LHFPL3: variants seen among roughly 807,000 people sequenced by gnomAD.
LHFPL3 encodes the protein LHFPL tetraspan subfamily member 3 protein.
A neutral mutation model predicts 19.3 loss-of-function variants in LHFPL3; 5 were observed. The observed-to-expected ratio is 0.26, with a 90% CI of 0.14 to 0.54. The LOEUF (loss-of-function observed/expected upper bound fraction) is 0.54. LHFPL3 is among the 20% of genes least tolerant of loss of function. LHFPL3 has a pLI of 0.94. For synonymous variants in LHFPL3, 133 were observed against 126.2 expected (o/e 1.05, Z -0.36); for missense variants, 249 against 307.4 (o/e 0.81, Z 1.42).
At chr7:104,782,535 A>G (rs1160500342) in intron 2 of LHFPL3, among the ~76,000 whole-genome samples, 2 of 152,210 alleles carry the variant, frequency 1.3e-5, no homozygotes. Context: ...CATGGTCACC[A>G]TCTTTCTCCT....
At chr7:104,694,340 A>T (rs1343938052) in intron 1 of LHFPL3, among the ~76,000 whole-genome samples, 1 of 152,234 alleles carries the variant, frequency 6.6e-6, no homozygotes, top group Admixed American at 6.5e-5. Context: ...TTACAGGAGA[A>T]TAATGAAAAA....
At chr7:104,516,938 A>G (rs1197879344) in intron 1 of LHFPL3, among the ~76,000 whole-genome samples, 1 of 152,228 alleles carries the variant, frequency 6.6e-6, no homozygotes, top group Non-Finnish European at 1.5e-5. Context: ...AATATGATAC[A>G]TATACACCAT....
chr7:104,403,646 T>C lies in LHFPL3; in HGVS notation c.445+74422T>C, dbSNP rs117245373. 7.9e-3 allele frequency among the ~76,000 whole-genome samples: 1,195 copies of C among 152,142 alleles called. 77 individuals are homozygous for C. In the East Asian group the frequency reaches 0.16, roughly 20 times the overall value. Reference sequence around the variant, plus strand: ...AATATCTTTGGAGGAAAAAGAAAGATGAGAAAGATTACAAAAAGAACTTCC... The same window carrying C: ...AATATCTTTGGAGGAAAAAGAAAGACGAGAAAGATTACAAAAAGAACTTCC... On this transcript the variant is annotated intron_variant, in intron 1 of 2. Transcript: ENST00000424859.
At chr7:104,366,310 G>A (rs191784863) in intron 1 of LHFPL3, among the ~76,000 whole-genome samples, 204 of 152,286 alleles carry the variant, frequency 1.3e-3, no homozygotes, top group Non-Finnish European at 2.2e-3. Context: ...AGGAAGAGGG[G>A]AACAGAGTGC....
rs140815959 is a variant in LHFPL3, at chr7:104,632,628, G to A, written c.446-104047G>A. On this transcript the variant is annotated intron_variant, in intron 1 of 2. Transcript: ENST00000424859. ...GAGTCAGAATTACATATAGTTCAGG[G>A]CACCATGTTAGATGTTAAATGACAA... is the stretch of plus-strand genomic sequence containing the variant. Among the ~76,000 whole-genome samples, 317 of 152,272 alleles carry A rather than the reference G, an allele frequency of 2.1e-3. 1 individual carries two copies. The highest frequency in any genetic ancestry group is 6.7e-3 in the African/African-American group (280 of 41,550).
intron 1 of LHFPL3, among the ~76,000 whole-genome samples, chr7:104,614,577 C>A (rs1258905191): frequency 7.1e-6 from 1 of 141,704 alleles, no homozygotes; most frequent in African/African-American, 2.5e-5. Flanking sequence ...AAAGAGCCTC[C>A]TCTTCTCTTC....
chr7:104,719,908 T>TA (rs1289704722), intron 1 of LHFPL3, among the ~76,000 whole-genome samples: 1 of 152,124 alleles, frequency 6.6e-6, no homozygotes. Context: ...CCCTCACATG[T>TA]AAAAAAATAA....
At chr7:104,393,185 A>G (rs1412119234) in intron 1 of LHFPL3, among the ~76,000 whole-genome samples, 1 of 152,192 alleles carries the variant, frequency 6.6e-6, no homozygotes, top group East Asian at 1.9e-4. Flanking sequence ...TTGAGGTTGC[A>G]GAGAAATTGG....
intron 1 of LHFPL3, among the ~76,000 whole-genome samples, chr7:104,734,982 A>G (rs1381371950): frequency 6.6e-6 from 1 of 152,100 alleles, no homozygotes; most frequent in Admixed American, 6.5e-5. Context: ...CTGGAAGTCC[A>G]CTCCAGACCC....
chr7:104,673,706 A>T (rs1419642065), intron 1 of LHFPL3, among the ~76,000 whole-genome samples: 1 of 152,232 alleles, frequency 6.6e-6, no homozygotes. Flanking sequence ...AGAGACTGTG[A>T]GTTTAGAAAC....
chr7:104,715,067 C>A (rs1216280953), intron 1 of LHFPL3, among the ~76,000 whole-genome samples: 1 of 151,744 alleles, frequency 6.6e-6, no homozygotes, highest in Non-Finnish European at 1.5e-5. Flanking sequence ...TTTGGGAGGC[C>A]AAGGAGGGAA....
At chr7:104,668,227 C>T in intron 1 of LHFPL3, 2 of 1,613,242 alleles carry the variant, frequency 1.2e-6, no homozygotes, top group Non-Finnish European at 1.7e-6. Flanking sequence ...AATGAAGAGT[C>T]TCTAAGTAAC....
At chr7:104,724,004 A>C (rs1793542333) in intron 1 of LHFPL3, among the ~76,000 whole-genome samples, 1 of 152,210 alleles carries the variant, frequency 6.6e-6, no homozygotes. Context: ...AAGGATTATC[A>C]ATTTGTGAAG....
intron 1 of LHFPL3, among the ~76,000 whole-genome samples, chr7:104,565,208 A>G: frequency 6.6e-6 from 1 of 152,242 alleles, no homozygotes; most frequent in South Asian, 2.1e-4. Context: ...GATTTACTGA[A>G]AAATATTAAG....
intron 2 of LHFPL3, among the ~76,000 whole-genome samples, chr7:104,859,242 G>C (rs562748591): frequency 6.6e-6 from 1 of 151,226 alleles, no homozygotes; most frequent in East Asian, 1.9e-4. Flanking sequence ...ACTCCAGCCT[G>C]GGCAACAGAG....
chr7:104,609,833 G>C (rs1249621475), intron 1 of LHFPL3, among the ~76,000 whole-genome samples: 1 of 152,146 alleles, frequency 6.6e-6, no homozygotes, highest in Non-Finnish European at 1.5e-5. Flanking sequence ...GACTATTCTG[G>C]GAAGACATGG....
At chr7:104,740,819 C>T (rs929553219) in intron 2 of LHFPL3, among the ~76,000 whole-genome samples, 1 of 152,204 alleles carries the variant, frequency 6.6e-6, no homozygotes, top group Admixed American at 6.5e-5. Flanking sequence ...GGTGGGGACA[C>T]AGGCAAACCA....
At chr7:104,808,598 CT>C (rs1463542869) in intron 2 of LHFPL3, among the ~76,000 whole-genome samples, 1 of 152,148 alleles carries the variant, frequency 6.6e-6, no homozygotes, top group Non-Finnish European at 1.5e-5. Context: ...AAGACAGAAA[CT>C]CAAGGCAAAA....
intron 1 of LHFPL3, among the ~76,000 whole-genome samples, chr7:104,707,077 A>AG (rs955235882): frequency 1.3e-5 from 2 of 152,226 alleles, no homozygotes; most frequent in Non-Finnish European, 2.9e-5. Flanking sequence ...GGAGTGCCAG[A>AG]GGGGCAACTG....
Sources: allele counts gnomAD v4.1 joint callset (sites outside exome capture counted in the v4.1 genomes callset), GRCh38; gene constraint gnomAD v4.1.1; transcripts MANE v1.5; gene names NCBI Gene and HGNC (gene_info 2026-07-23, HGNC 2026-07-21).